MTDH: variants seen among roughly 807,000 people sequenced by gnomAD.
The protein encoded by MTDH is metadherin, also known as protein LYRIC.
In MTDH, 34 loss-of-function variants were observed where a neutral mutation model predicts 72.7. The ratio of observed to expected loss-of-function variants is 0.47; its 90% CI spans 0.36 to 0.62. The LOEUF is 0.62. Ranked by LOEUF, MTDH falls within the 20% of genes least tolerant of loss-of-function variation. The pLI is 0.00. For missense variants in MTDH, 677 were observed against 699.4 expected, an observed-to-expected ratio of 0.97 and a Z score of 0.36; for synonymous variants, 266 against 268.9, an observed-to-expected ratio of 0.99 and a Z score of 0.10.
chr8:97,691,271 C>A (rs1813597394), intron 6 of MTDH, 83 bp downstream of exon 6: 2 of 961,046 alleles, frequency 2.1e-6, no homozygotes, highest in African/African-American at 2.1e-5. Flanking sequence ...GAAAAAAAAA[C>A]TATGAATAGA....
rs984050631 is a variant in MTDH, at chr8:97,722,948, A to G, written c.1591A>G (p.Lys531Glu). Residue 531 changes from lysine to glutamate, a missense_variant, in exon 11 of 12, where the codon AAG (lysine) becomes GAG (glutamate). Lys to Glu is a moderately conservative substitution (Grantham distance 56, BLOSUM62 1). Transcript: ENST00000336273. Reference sequence around the variant, plus strand: ...AATCTTATCAAAAAGTGATTCTGACAAGAGCTCTTCCCAAGTGCCGCCAAT... The same window carrying G: ...AATCTTATCAAAAAGTGATTCTGACGAGAGCTCTTCCCAAGTGCCGCCAAT... The part of the protein sequence containing the change: ...SVILSKSDSD[K>E]SSSQVPPILQ... The G allele has an allele frequency of 1.9e-6, 3 of 1,614,054 alleles. No individual in the cohort carries two copies. The highest frequency in any genetic ancestry group is 2.7e-5 in the African/African-American group (2 of 74,938).
chr8:97,676,815 A>G (rs1053118724), intron 2 of MTDH, among the ~76,000 whole-genome samples: 55 of 151,914 alleles, frequency 3.6e-4, no homozygotes, highest in African/African-American at 1.2e-3. Flanking sequence ...CATCCTGGCT[A>G]ACATGGTGAA....
At chr8:97,715,272 C>T (rs1190504562) in intron 9 of MTDH, among the ~76,000 whole-genome samples, 1 of 152,006 alleles carries the variant, frequency 6.6e-6, no homozygotes, top group Non-Finnish European at 1.5e-5. Context: ...GGATTACAGG[C>T]ATGAGCCACC....
intron 8 of MTDH, among the ~76,000 whole-genome samples, chr8:97,707,790 G>A (rs1358335331): frequency 6.6e-6 from 1 of 151,638 alleles, no homozygotes. Context: ...CATACACCTG[G>A]TAGTCCCAGC....
At chr8:97,680,063 G>A (rs564681868) in intron 2 of MTDH, among the ~76,000 whole-genome samples, 27 of 151,998 alleles carry the variant, frequency 1.8e-4, no homozygotes, top group African/African-American at 5.8e-4. Context: ...AAGCCTTTTC[G>A]TCATCTAGTT....
At chr8:97,696,415 G>A (rs995349458) in intron 6 of MTDH, 10 of 350,146 alleles carry the variant, frequency 2.9e-5, no homozygotes, top group Non-Finnish European at 3.6e-5. Context: ...GTATTATAAA[G>A]TGGCAGAGGC....
chr8:97,712,716 G>A (rs1404502245), intron 8 of MTDH, among the ~76,000 whole-genome samples: 1 of 152,152 alleles, frequency 6.6e-6, no homozygotes, highest in Non-Finnish European at 1.5e-5. Flanking sequence ...TATTTTAGCA[G>A]TTCTGATAGG....
At chr8:97,659,955 T>C (rs1196241613) in intron 1 of MTDH, among the ~76,000 whole-genome samples, 1 of 152,080 alleles carries the variant, frequency 6.6e-6, no homozygotes, top group Non-Finnish European at 1.5e-5. Flanking sequence ...GGTCAGGAGT[T>C]CAAGACCAGC....
At chr8:97,654,754 C>T (rs145446529) in intron 1 of MTDH, among the ~76,000 whole-genome samples, 189 of 151,336 alleles carry the variant, frequency 1.2e-3, no homozygotes, top group African/African-American at 3.6e-3. Context: ...TATATATATA[C>T]ACACACACAC....
Position 97,719,103 on chromosome 8 carries a change from A to G in MTDH, c.1435A>G (p.Lys479Glu). The change falls in exon 10 of 12, where the codon AAA becomes GAA. Residue 479 changes from lysine to glutamate, a missense_variant. Transcript: ENST00000336273. ...AGAAGACCTTCCAGTGAATACCTCTAAAACCCGTCCAAAACAGGAAAAAGC... is the reference window on the plus strand; with the variant it reads ...AGAAGACCTTCCAGTGAATACCTCTGAAACCCGTCCAAAACAGGAAAAAGC... The part of the protein sequence containing the change: ...IREDLPVNTS[K>E]TRPKQEKAFS... 6.2e-7 allele frequency: 1 copy of G among 1,614,006 alleles called. No individual in the cohort carries two copies. Among genetic ancestry groups the G allele is most frequent in the Non-Finnish European group, 8.5e-7 (1 of 1,179,852 alleles).
intron 2 of MTDH, among the ~76,000 whole-genome samples, chr8:97,684,887 G>A (rs900121534): frequency 1.3e-5 from 2 of 152,174 alleles, no homozygotes; most frequent in Admixed American, 6.5e-5. Context: ...CTGACATGGT[G>A]AAATCCCATC....
chr8:97,707,713 G>C (rs75153908), intron 8 of MTDH, among the ~76,000 whole-genome samples: 6,133 of 151,994 alleles, frequency 0.04, 383 homozygotes, highest in African/African-American at 0.14. Flanking sequence ...GTTTTAGCAT[G>C]TCTGTCAATA....
chr8:97,665,293 A>G (rs1171897904), intron 2 of MTDH, among the ~76,000 whole-genome samples: 1 of 152,212 alleles, frequency 6.6e-6, no homozygotes, highest in African/African-American at 2.4e-5. Flanking sequence ...TCTTAGGTCT[A>G]TAAAGCAGGT....
At chr8:97,709,566 T>G (rs1334992310) in intron 8 of MTDH, among the ~76,000 whole-genome samples, 2 of 152,226 alleles carry the variant, frequency 1.3e-5, no homozygotes, top group African/African-American at 4.8e-5. Context: ...GTTTATACAA[T>G]GGCATATTAG....
chr8:97,699,363 C>A (rs551244110), intron 6 of MTDH, among the ~76,000 whole-genome samples: 1 of 151,142 alleles, frequency 6.6e-6, no homozygotes, highest in African/African-American at 2.4e-5. Flanking sequence ...CTTGAGCCTG[C>A]GAGGTTGAGG....
rs1478487630 is a variant in MTDH at position 97,713,667 on chromosome 8, A to G, written c.1278A>G (p.Ser426=). 6.3e-7 allele frequency: 1 copy of G among 1,589,028 alleles called. No individual in the cohort carries two copies. Among genetic ancestry groups the G allele is most frequent in the Non-Finnish European group, 8.5e-7 (1 of 1,169,940 alleles). Residue 426 remains serine (S), a synonymous_variant, in exon 9 of 12, where the codon TCA becomes TCG. Coordinates refer to ENST00000336273, the MANE Select transcript of MTDH (RefSeq NM_178812.4). Reference sequence around the variant, plus strand: ...ATTTTTGCTTTTAACCTAAGGTCTCAGATGATGATAAAGAAAAGGGAGAGG... The same window carrying G: ...ATTTTTGCTTTTAACCTAAGGTCTCGGATGATGATAAAGAAAAGGGAGAGG... ...QEPIPDDQKV[S]DDDKEKGEGA...
At chr8:97,711,288 A>G (rs1264925993) in intron 8 of MTDH, among the ~76,000 whole-genome samples, 1 of 151,378 alleles carries the variant, frequency 6.6e-6, no homozygotes, top group African/African-American at 2.4e-5. Flanking sequence ...ACTTGAGCCC[A>G]TGGTGTTTGA....
At chr8:97,674,473 G>A (rs903944418) in intron 2 of MTDH, among the ~76,000 whole-genome samples, 2 of 152,126 alleles carry the variant, frequency 1.3e-5, no homozygotes, top group Non-Finnish European at 2.9e-5. Context: ...ATGCTTCTTG[G>A]ATAATCCATG....
chr8:97,653,793 C>A (rs1811862760), intron 1 of MTDH, among the ~76,000 whole-genome samples: 1 of 152,162 alleles, frequency 6.6e-6, no homozygotes, highest in African/African-American at 2.4e-5. Flanking sequence ...GTTTTTCTCT[C>A]CAGCTATGCT....
Sources: allele counts gnomAD v4.1 joint callset (sites outside exome capture counted in the v4.1 genomes callset), GRCh38; gene constraint gnomAD v4.1.1; transcripts MANE v1.5; gene names NCBI Gene and HGNC (gene_info 2026-07-23, HGNC 2026-07-21).